Variants in DOCK4 observed in about 807,000 individuals in gnomAD.
DOCK4 encodes the protein dedicator of cytokinesis protein 4.
Under a neutral mutation model 268.1 loss-of-function variants are expected in DOCK4, and 97 were observed. That is an observed-to-expected ratio of 0.36 (90% CI 0.31 to 0.43). The LOEUF is 0.43. DOCK4 is among the 20% of genes least tolerant of loss of function. The pLI, the probability that DOCK4 is intolerant of heterozygous loss-of-function variation, is 1.00. For synonymous variants in DOCK4, 954 were observed against 887.2 expected (o/e 1.08, Z -1.34); for missense variants, 2,145 against 2,455.7 (o/e 0.87, Z 2.67).
intron 16 of DOCK4, among the ~76,000 whole-genome samples, chr7:111,892,702 A>G (rs1808396550): frequency 6.6e-6 from 1 of 152,196 alleles, no homozygotes; most frequent in South Asian, 2.1e-4. Context: ...AGGCCGCACA[A>G]TGATCAGCAG....
At chr7:111,881,255 G>A (rs1286323519) in intron 16 of DOCK4, among the ~76,000 whole-genome samples, 1 of 152,112 alleles carries the variant, frequency 6.6e-6, no homozygotes, top group Non-Finnish European at 1.5e-5. Context: ...ATTGAGAAAT[G>A]GACAAAATAT....
At chr7:112,051,863 C>T (rs62474289) in intron 1 of DOCK4, among the ~76,000 whole-genome samples, 4,780 of 152,006 alleles carry the variant, frequency 0.031, 103 homozygotes, top group Middle Eastern at 0.068. Context: ...TTAATTAAAA[C>T]CTTAAAGAAG....
chr7:112,011,258 C>CACTGGGGTGAATCCCGAGAGG (rs1248092283), intron 1 of DOCK4, among the ~76,000 whole-genome samples: 2 of 152,204 alleles, frequency 1.3e-5, no homozygotes, highest in African/African-American at 4.8e-5. Flanking sequence ...CTCGTCACTG[C>CACTGGGGTGAATCCCGAGAGG]ACTGGGGTGA....
At chr7:111,778,782 C>A (rs1338813183) in intron 35 of DOCK4, among the ~76,000 whole-genome samples, 2 of 152,148 alleles carry the variant, frequency 1.3e-5, no homozygotes, top group Non-Finnish European at 2.9e-5. Flanking sequence ...CTCAGCTGGG[C>A]ACGGTGGCTC....
intron 8 of DOCK4, among the ~76,000 whole-genome samples, chr7:111,958,541 G>A (rs1374058175): frequency 6.6e-6 from 1 of 152,172 alleles, no homozygotes; most frequent in East Asian, 1.9e-4. Flanking sequence ...AGGCATAGGT[G>A]TAAGAGGACC....
chr7:112,192,016 C>A (rs1416994676), intron 1 of DOCK4, among the ~76,000 whole-genome samples: 1 of 147,508 alleles, frequency 6.8e-6, no homozygotes, highest in African/African-American at 2.5e-5. Flanking sequence ...TAGTATATAA[C>A]TTAAACATAG....
intron 1 of DOCK4, among the ~76,000 whole-genome samples, chr7:112,180,685 G>A (rs983997773): frequency 3.3e-5 from 5 of 152,166 alleles, no homozygotes; most frequent in African/African-American, 1.2e-4. Context: ...GCACTGTCCC[G>A]ATGATGGCAT....
intron 25 of DOCK4, among the ~76,000 whole-genome samples, chr7:111,844,217 A>G (rs1406632300): frequency 6.6e-6 from 1 of 152,230 alleles, no homozygotes; most frequent in African/African-American, 2.4e-5. Context: ...TGGAGGTTGT[A>G]GTAAGCCAAG....
At chr7:112,176,755 C>T (rs1479717095) in intron 1 of DOCK4, among the ~76,000 whole-genome samples, 1 of 152,180 alleles carries the variant, frequency 6.6e-6, no homozygotes, top group Non-Finnish European at 1.5e-5. Flanking sequence ...TTTCTTTCAA[C>T]CAACTGCATT....
intron 8 of DOCK4, among the ~76,000 whole-genome samples, chr7:111,946,111 G>C (rs558032913): frequency 5.4e-4 from 82 of 152,220 alleles, no homozygotes; most frequent in African/African-American, 1.9e-3. Context: ...TGCACTAAAA[G>C]AGAAAAATAT....
intron 8 of DOCK4, among the ~76,000 whole-genome samples, chr7:111,976,269 T>TTATATATATATATATATA (rs60146972): frequency 3.0e-5 from 1 of 33,138 alleles, no homozygotes; most frequent in Non-Finnish European, 5.3e-5. Context: ...TGTGTGTCTA[T>TTATATATATATATATATA]TATATATATA....
intron 26 of DOCK4, among the ~76,000 whole-genome samples, chr7:111,831,406 G>T (rs1468934199): frequency 1.3e-5 from 2 of 152,060 alleles, no homozygotes; most frequent in African/African-American, 4.8e-5. Context: ...TTCTAGCTTA[G>T]GTTACTACCT....
chr7:111,900,241 T>C, intron 15 of DOCK4, 133 bp downstream of exon 15: 1 of 1,167,548 alleles, frequency 8.6e-7, no homozygotes, highest in Non-Finnish European at 1.2e-6. Context: ...TTCTGGCTAA[T>C]CTTTCTAGAA....
rs1287831604 is a variant in DOCK4 at position 111,901,566 on chromosome 7, CAAATCAGAAATTAACTGATCGT to C, written c.1317+89_1317+110del. The stretch of plus-strand genomic sequence containing the variant: ...GAGAAAAATAAGATAGAAAATAACG[CAAATCAGAAATTAACTGATCGT>C]AAATCAGAAAATAACTGATCACATT... On this transcript the variant is annotated intron_variant, in intron 14 of 52. Coordinates refer to ENST00000428084, the MANE Select transcript of DOCK4 (RefSeq NM_001363540.2). 10 of 1,107,530 alleles carry C rather than the reference CAAATCAGAAATTAACTGATCGT, an allele frequency of 9.0e-6. No homozygotes were observed. In the South Asian group the frequency reaches 1.3e-4, roughly 15 times the overall value. 68.6% of individuals were successfully genotyped at this position (1,107,530 alleles called of 1,614,324 possible).
At chr7:111,959,953 C>G (rs939810589) in intron 8 of DOCK4, among the ~76,000 whole-genome samples, 1 of 152,186 alleles carries the variant, frequency 6.6e-6, no homozygotes, top group Admixed American at 6.5e-5. Flanking sequence ...CCCATTGGTG[C>G]GGCCATCACT....
At chr7:112,067,136 G>C (rs1248130625) in intron 1 of DOCK4, among the ~76,000 whole-genome samples, 1 of 150,804 alleles carries the variant, frequency 6.6e-6, no homozygotes, top group Non-Finnish European at 1.5e-5. Context: ...CCAAGATCGT[G>C]CCACTGCACT....
chr7:111,960,523 C>CTTTTTTT (rs753880464), intron 8 of DOCK4, among the ~76,000 whole-genome samples: 4 of 78,498 alleles, frequency 5.1e-5, no homozygotes, highest in Admixed American at 1.6e-4. Flanking sequence ...ACCTCATGTG[C>CTTTTTTT]TTTTTTTTTT....
intron 13 of DOCK4, among the ~76,000 whole-genome samples, chr7:111,913,614 T>C (rs1236005002): frequency 2.6e-5 from 4 of 151,768 alleles, no homozygotes; most frequent in Non-Finnish European, 4.4e-5. Context: ...TTTCACCATG[T>C]TAGCCAGGAT....
At chr7:111,830,804 T>G (rs1053813377) in intron 26 of DOCK4, among the ~76,000 whole-genome samples, 5 of 152,006 alleles carry the variant, frequency 3.3e-5, no homozygotes, top group African/African-American at 1.2e-4. Context: ...CCTTTTTTTT[T>G]TTCTATTCTT....
Sources: allele counts gnomAD v4.1 joint callset (sites outside exome capture counted in the v4.1 genomes callset), GRCh38; gene constraint gnomAD v4.1.1; transcripts MANE v1.5; gene names NCBI Gene and HGNC (gene_info 2026-07-23, HGNC 2026-07-21).